The following MYO1B variants were observed in gnomAD, a reference collection of about 807,000 sequenced individuals.
The protein encoded by MYO1B is myosin IB, also known as unconventional myosin-Ib.
MYO1B carries 72 observed loss-of-function variants against 159.7 expected under a neutral mutation model. The observed-to-expected ratio is 0.45, with a 90% CI of 0.37 to 0.55. The LOEUF (loss-of-function observed/expected upper bound fraction) is 0.55, where lower values mean the gene tolerates loss of function less well. MYO1B is among the 20% of genes least tolerant of loss of function. The pLI is 0.00. For synonymous variants in MYO1B, 468 were observed against 473.8 expected, an observed-to-expected ratio of 0.99 and a Z score of 0.16; for missense variants, 1,062 against 1,364.8, an observed-to-expected ratio of 0.78 and a Z score of 3.50.
chr2:191,353,681 C>G (rs1020852361), intron 7 of MYO1B, among the ~76,000 whole-genome samples: 2 of 152,140 alleles, frequency 1.3e-5, no homozygotes, highest in Non-Finnish European at 2.9e-5. Context: ...TTTCCAGTGT[C>G]TAAACAAAAG....
chr2:191,286,338 C>T (rs1688369022), intron 2 of MYO1B, among the ~76,000 whole-genome samples: 1 of 147,110 alleles, frequency 6.8e-6, no homozygotes, highest in Admixed American at 6.7e-5. Flanking sequence ...CATACTGTGT[C>T]TTTAAAAAAA....
chr2:191,322,703 G>A (rs1690804567), intron 3 of MYO1B, among the ~76,000 whole-genome samples: 1 of 152,162 alleles, frequency 6.6e-6, no homozygotes, highest in Non-Finnish European at 1.5e-5. Context: ...GTGAACTCCT[G>A]AAATAATGAG....
intron 1 of MYO1B, among the ~76,000 whole-genome samples, chr2:191,258,119 T>C (rs1394512932): frequency 6.6e-6 from 1 of 152,194 alleles, no homozygotes; most frequent in East Asian, 1.9e-4. Context: ...AATTTTGTCA[T>C]TGCGCAAACA....
chr2:191,370,166 G>A, intron 12 of MYO1B, 61 bp from the exon 13 acceptor site: 1 of 1,020,536 alleles, frequency 9.8e-7, no homozygotes, highest in Non-Finnish European at 1.5e-6. Context: ...TATGTTCCTT[G>A]GATGCTTGTA....
chr2:191,261,049 T>A (rs187446351), intron 1 of MYO1B, among the ~76,000 whole-genome samples: 1 of 152,146 alleles, frequency 6.6e-6, no homozygotes, highest in Non-Finnish European at 1.5e-5. Flanking sequence ...TTGTTGGTGT[T>A]CTCTTTTTCT....
At chr2:191,360,029 A>G (rs1446240043) in intron 7 of MYO1B, among the ~76,000 whole-genome samples, 1 of 152,218 alleles carries the variant, frequency 6.6e-6, no homozygotes, top group Non-Finnish European at 1.5e-5. Flanking sequence ...ACTTCAAGAT[A>G]TCCACAAACT....
chr2:191,300,655 T>TTTTTTTTTTTTTTTTTTTG, intron 3 of MYO1B, among the ~76,000 whole-genome samples: 1 of 145,136 alleles, frequency 6.9e-6, no homozygotes, highest in Non-Finnish European at 1.5e-5. Context: ...TTTTTTTTTT[T>TTTTTTTTTTTTTTTTTTTG]AAGAGATGAG....
chr2:191,264,225 A>C (rs1181176614), intron 1 of MYO1B, among the ~76,000 whole-genome samples: 1 of 152,114 alleles, frequency 6.6e-6, no homozygotes, highest in Non-Finnish European at 1.5e-5. Context: ...CATCTTAGCT[A>C]TTTTTGTTTG....
chr2:191,338,674 C>G (rs186844127), intron 4 of MYO1B, among the ~76,000 whole-genome samples: 49 of 152,316 alleles, frequency 3.2e-4, no homozygotes, highest in African/African-American at 1.2e-3. Flanking sequence ...CAGTTGTCCT[C>G]TAAGTTCATC....
intron 3 of MYO1B, among the ~76,000 whole-genome samples, chr2:191,323,109 G>T (rs1690835861): frequency 6.6e-6 from 1 of 152,194 alleles, no homozygotes; most frequent in African/African-American, 2.4e-5. Flanking sequence ...GATTGTCATG[G>T]TGCTGGTGGG....
chr2:191,410,646 A>G (rs909172709), intron 26 of MYO1B, among the ~76,000 whole-genome samples: 2 of 152,168 alleles, frequency 1.3e-5, no homozygotes, highest in African/African-American at 4.8e-5. Flanking sequence ...AGGATTGAGT[A>G]TTGTTTTGTG....
chr2:191,319,872 T>A, intron 3 of MYO1B, among the ~76,000 whole-genome samples: 1 of 152,136 alleles, frequency 6.6e-6, no homozygotes, highest in South Asian at 2.1e-4. Flanking sequence ...GGGACAAGAT[T>A]AGGAATGGAG....
intron 1 of MYO1B, among the ~76,000 whole-genome samples, chr2:191,269,718 G>A (rs1559129258): frequency 6.6e-6 from 1 of 152,126 alleles, no homozygotes; most frequent in African/African-American, 2.4e-5. Flanking sequence ...CTGTGGTGGC[G>A]AGACAAGGCA....
chr2:191,299,359 C>A (rs553152811), intron 3 of MYO1B, among the ~76,000 whole-genome samples: 1 of 151,984 alleles, frequency 6.6e-6, no homozygotes, highest in Non-Finnish European at 1.5e-5. Flanking sequence ...TTTACTAATG[C>A]ATCTGAAGTT....
Position 191,396,631 on chromosome 2 carries a change from G to T in MYO1B, c.2295+134G>T, listed in dbSNP as rs1433307856. 7 of 816,274 alleles carry T rather than the reference G, an allele frequency of 8.6e-6. No homozygotes were observed. In the East Asian group the frequency reaches 1.6e-4, roughly 18 times the overall value. 50.6% of individuals were successfully genotyped at this position (816,274 alleles called of 1,614,324 possible). On this transcript the variant is annotated intron_variant, in intron 21 of 30. Coordinates refer to ENST00000392318, the MANE Select transcript of MYO1B (RefSeq NM_001130158.3). ...TCGCCTGTAAACAGTCAGATGGAAAGAATAAATATTATGGGCCAAACGGGG... is the reference window on the plus strand; with the variant it reads ...TCGCCTGTAAACAGTCAGATGGAAATAATAAATATTATGGGCCAAACGGGG...
At chr2:191,363,614 C>T in intron 9 of MYO1B, 114 bp from the exon 10 acceptor site, 1 of 1,359,176 alleles carries the variant, frequency 7.4e-7, no homozygotes, top group East Asian at 2.5e-5. Context: ...GAAGATATAG[C>T]TTTGTCTTTT....
rs748487530 is a variant in MYO1B at position 191,423,832 on chromosome 2, C to T, written c.3288-5C>T. The stretch of plus-strand genomic sequence containing the variant: ...ACTTTAATTTGTTTTATTCTTTTCT[C>T]CTAGGTTCCTGGTACAGTTCAGACA... On this transcript the variant is annotated splice_region_variant and splice_polypyrimidine_tract_variant and intron_variant, in intron 30 of 30. Transcript: ENST00000392318. The T allele has an allele frequency of 4.4e-6, 7 of 1,602,522 alleles. No homozygotes were observed. Among genetic ancestry groups the T allele is most frequent in the East Asian group, 4.5e-5 (2 of 44,820 alleles).
intron 5 of MYO1B, among the ~76,000 whole-genome samples, chr2:191,342,518 A>G (rs1178823132): frequency 3.3e-5 from 5 of 152,158 alleles, no homozygotes; most frequent in African/African-American, 1.2e-4. Context: ...TGGAAACAGT[A>G]TATCAAAGTC....
intron 27 of MYO1B, among the ~76,000 whole-genome samples, chr2:191,411,872 TGTTTATAAAAAA>T (rs1166516931): frequency 6.6e-6 from 1 of 152,192 alleles, no homozygotes; most frequent in Non-Finnish European, 1.5e-5. Flanking sequence ...TTTCATCTGG[TGTTTATAAAAAA>T]GTAGATTGTA....
Sources: allele counts gnomAD v4.1 joint callset (sites outside exome capture counted in the v4.1 genomes callset), GRCh38; gene constraint gnomAD v4.1.1; transcripts MANE v1.5; gene names NCBI Gene and HGNC (gene_info 2026-07-23, HGNC 2026-07-21).